RDH10: variants seen among roughly 807,000 people sequenced by gnomAD.
RDH10 encodes the protein retinol dehydrogenase 10.
A neutral mutation model predicts 30.2 loss-of-function variants in RDH10; 12 were observed. That is an observed-to-expected ratio of 0.40 (90% CI 0.25 to 0.64). The LOEUF is 0.64. RDH10 is among the 30% of genes least tolerant of loss of function. The probability of loss-of-function intolerance (pLI) is 0.43; values close to 1 mark genes in which losing one functional copy is unlikely to be tolerated. For missense variants in RDH10, 268 were observed against 445.2 expected (o/e 0.60, Z 3.58); for synonymous variants, 189 against 172.2 (o/e 1.10, Z -0.76).
intron 2 of RDH10, among the ~76,000 whole-genome samples, chr8:73,304,342 G>A (rs981458608): frequency 2.0e-5 from 3 of 152,168 alleles, no homozygotes; most frequent in Non-Finnish European, 2.9e-5. Context: ...CCTGTGCTTT[G>A]ATTGATCGCC....
At chr8:73,314,211 T>A (rs991628911) in intron 2 of RDH10, among the ~76,000 whole-genome samples, 1 of 152,240 alleles carries the variant, frequency 6.6e-6, no homozygotes, top group Non-Finnish European at 1.5e-5. Context: ...GCCAGATTTC[T>A]TTGTGCTGTC....
intron 1 of RDH10, 36 bp downstream of exon 1, chr8:73,295,614 A>C (rs1267551501): frequency 1.4e-6 from 2 of 1,450,532 alleles, no homozygotes; most frequent in African/African-American, 1.5e-5. Context: ...TGTTGGGTCA[A>C]GCCTCTTTCC....
intron 2 of RDH10, among the ~76,000 whole-genome samples, chr8:73,305,352 C>T (rs1814448844): frequency 6.6e-6 from 1 of 152,126 alleles, no homozygotes; most frequent in Non-Finnish European, 1.5e-5. Flanking sequence ...AATAGCCTCA[C>T]CTGAGAGTTA....
intron 2 of RDH10, chr8:73,297,851 C>T: frequency 4.4e-6 from 1 of 226,770 alleles, no homozygotes; most frequent in Non-Finnish European, 8.9e-6. Context: ...CTGAAATCAA[C>T]ATTTGTGGTC....
chr8:73,322,364 T>C (rs1814787125), intron 4 of RDH10: 1 of 289,144 alleles, frequency 3.5e-6, no homozygotes. Context: ...AAACACCTTC[T>C]CCTCTTTCTA....
At chr8:73,317,000 C>G (rs1048156394) in intron 2 of RDH10, among the ~76,000 whole-genome samples, 1 of 152,158 alleles carries the variant, frequency 6.6e-6, no homozygotes, top group African/African-American at 2.4e-5. Flanking sequence ...GGTGGGGGCA[C>G]AGATCCAAAC....
chr8:73,323,340 T>C lies in RDH10; in HGVS notation c.*304T>C, dbSNP rs1354871552. On this transcript the variant is annotated 3_prime_UTR_variant, in exon 6 of 6. Transcript: ENST00000240285. ...ATTATTTTTTAATGAGCAGGAAGTCTAGAAATGATAACTAGACTGTATGTT... is the reference window on the plus strand; with the variant it reads ...ATTATTTTTTAATGAGCAGGAAGTCCAGAAATGATAACTAGACTGTATGTT... The C allele has an allele frequency of 1.5e-5, 4 of 258,416 alleles. No individual in the cohort carries two copies. Among genetic ancestry groups the C allele is most frequent in the Non-Finnish European group, 3.1e-5 (4 of 128,636 alleles). The allele number at this position is 258,416 out of a possible 1,614,324, so 16.0% of individuals were successfully genotyped here.
intron 2 of RDH10, among the ~76,000 whole-genome samples, chr8:73,305,171 C>G (rs1374613764): frequency 6.6e-6 from 1 of 152,230 alleles, no homozygotes. Context: ...AGGATTGGGT[C>G]ACTACAAACC....
At chr8:73,321,654 T>G (rs1371546384) in intron 4 of RDH10, 1 of 369,570 alleles carries the variant, frequency 2.7e-6, no homozygotes, top group African/African-American at 2.1e-5. Context: ...TATGGGAATA[T>G]AAATGTCAAG....
chr8:73,322,988 T>G lies in RDH10; in HGVS notation c.978T>G (p.Ala326=). Residue 326 remains alanine (A), a synonymous_variant, in exon 6 of 6, where the codon GCT becomes GCG. Coordinates refer to ENST00000240285, the MANE Select transcript of RDH10 (RefSeq NM_172037.5). ...GADKCMYPFI[A]QRKQATNNNE... ...ACAAGTGTATGTACCCCTTTATTGC[T>G]CAAAGAAAGCAAGCCACAAACAATA... 1 of 1,613,718 alleles carries G rather than the reference T, an allele frequency of 6.2e-7. No individual in the cohort carries two copies. The highest frequency in any genetic ancestry group is 8.5e-7 in the Non-Finnish European group (1 of 1,179,754).
In RDH10 at chr8:73,324,649, A is replaced by G. The variant is rs528256677; in HGVS notation, c.*1613A>G. Reference sequence around the variant, plus strand: ...TTATGATCATTATCCCACTTTAGGTAAAGAAAAATATTGGAATGGAATAGT... The same window carrying G: ...TTATGATCATTATCCCACTTTAGGTGAAGAAAAATATTGGAATGGAATAGT... On this transcript the variant is annotated 3_prime_UTR_variant, in exon 6 of 6. Transcript: ENST00000240285. 4 of 152,320 alleles carry G rather than the reference A, an allele frequency of 2.6e-5. No individual in the cohort carries two copies. The South Asian group carries it at 8.3e-4, about 32-fold the overall frequency. 9.4% of individuals were successfully genotyped at this position (152,320 alleles called of 1,614,324 possible). A position where few individuals can be genotyped will look rare whatever the true frequency, so the allele number is the denominator to read the frequency against.
chr8:73,316,227 A>G lies in RDH10; in HGVS notation c.526-2869A>G, dbSNP rs1008368158. ...GAGGCAGCGTTTCACAGTGTTTCCT[A>G]GGGTGGTCTTGAACTCCTGGGCTCA... On this transcript the variant is annotated intron_variant, in intron 2 of 5. Coordinates refer to ENST00000240285, the MANE Select transcript of RDH10 (RefSeq NM_172037.5). Among the ~76,000 whole-genome samples the G allele has an allele frequency of 1.4e-4, 22 of 152,060 alleles. 1 individual carries two copies. The highest frequency in any genetic ancestry group is 8.3e-4 in the South Asian group (4 of 4,820).
rs185502210 is a variant in RDH10, at chr8:73,320,855, G to A, written c.625-77G>A. 1.5e-4 allele frequency: 215 copies of A among 1,412,214 alleles called. 1 individual carries two copies. The African/African-American group carries it at 2.8e-3, about 18-fold the overall frequency. The allele number at this position is 1,412,214 out of a possible 1,614,324, so 87.5% of individuals were successfully genotyped here. A position where few individuals can be genotyped will look rare whatever the true frequency, so the allele number is the denominator to read the frequency against. On this transcript the variant is annotated intron_variant, in intron 3 of 5. Transcript: ENST00000240285. ...TATTAGACATCTAAACATGGTAATA[G>A]GACCAGGGAAGCTTTAGTTTGGTTG...
intron 2 of RDH10, among the ~76,000 whole-genome samples, chr8:73,298,272 AAAG>A (rs1315094006): frequency 3.9e-5 from 6 of 152,194 alleles, no homozygotes; most frequent in Non-Finnish European, 7.3e-5. Context: ...ACGATTCAAT[AAAG>A]AAGGAGTAAA....
chr8:73,303,088 G>T (rs1189370893), intron 2 of RDH10, among the ~76,000 whole-genome samples: 1 of 151,508 alleles, frequency 6.6e-6, no homozygotes, highest in Non-Finnish European at 1.5e-5. Context: ...TAACTTAAAA[G>T]GTTTCACAGT....
At chr8:73,298,591 G>T (rs751456598) in intron 2 of RDH10, among the ~76,000 whole-genome samples, 4 of 152,034 alleles carry the variant, frequency 2.6e-5, no homozygotes, top group African/African-American at 9.7e-5. Context: ...GCAGTGGCGC[G>T]ATCTTGGCTC....
At chr8:73,321,224 G>A in intron 4 of RDH10, 147 bp downstream of exon 4, 1 of 772,732 alleles carries the variant, frequency 1.3e-6, no homozygotes, top group Non-Finnish European at 2.0e-6. Context: ...TTGTAAAATT[G>A]GTGTATAAGA....
chr8:73,316,793 C>G (rs896779448), intron 2 of RDH10, among the ~76,000 whole-genome samples: 1 of 152,246 alleles, frequency 6.6e-6, no homozygotes, highest in East Asian at 1.9e-4. Context: ...CAGCAATAAA[C>G]ACGGCAGAAG....
Position 73,295,359 on chromosome 8 carries a change from C to A in RDH10, c.70C>A (p.Arg24Ser). 6.4e-7 allele frequency: 1 copy of A among 1,560,238 alleles called. No homozygotes were observed. Among genetic ancestry groups the A allele is most frequent in the Non-Finnish European group, 8.7e-7 (1 of 1,153,856 alleles). Residue 24 changes from arginine to serine, a missense_variant, in exon 1 of 6, where the codon CGC becomes AGC. By Grantham distance (110) the Arg-to-Ser change is moderately radical. Transcript: ENST00000240285. ...VLWAFVLAAA[R>S]WLVRPKEKSV... ...CTGGGCGTTCGTGCTGGCCGCGGCG[C>A]GCTGGCTGGTGCGGCCCAAGGAGAA...
Sources: gnomAD v4.1 joint callset for allele counts (sites outside exome capture counted in the v4.1 genomes callset) on GRCh38, gnomAD v4.1.1 for gene constraint, MANE v1.5 for transcripts, NCBI Gene and HGNC (gene_info 2026-07-23, HGNC 2026-07-21) for gene names.